SYBU: variants seen among roughly 807,000 people sequenced by gnomAD.
The protein encoded by SYBU is GOLSYN A protein.
A neutral mutation model predicts 35.9 loss-of-function variants in SYBU; 21 were observed. The observed-to-expected ratio is 0.58, with a 90% CI of 0.41 to 0.84. SYBU has a LOEUF of 0.84. SYBU is among the 40% of genes least tolerant of loss of function. The pLI is 0.00. For missense variants in SYBU, 768 were observed against 848.2 expected (o/e 0.91, Z 1.17); for synonymous variants, 319 against 324.3 (o/e 0.98, Z 0.18).
intron 2 of SYBU, among the ~76,000 whole-genome samples, chr8:109,629,166 G>C (rs1435740826): frequency 6.6e-6 from 1 of 152,170 alleles, no homozygotes; most frequent in Non-Finnish European, 1.5e-5. Flanking sequence ...TTTAGGTCAG[G>C]AATCTTGACG....
At chr8:109,640,357 T>G (rs111931573) in intron 2 of SYBU, among the ~76,000 whole-genome samples, 4,166 of 152,222 alleles carry the variant, frequency 0.027, 190 homozygotes, top group African/African-American at 0.094. Context: ...TTTCCTTTTT[T>G]TTGTTGTTGT....
Position 109,578,029 on chromosome 8 carries a change from C to G in SYBU, c.735-12G>C. On this transcript the variant is annotated splice_polypyrimidine_tract_variant and intron_variant, in intron 5 of 6. Coordinates refer to ENST00000276646, the MANE Select transcript of SYBU (RefSeq NM_001099754.2). ...ACCTTCCAGAACGCCTGAAACAATC[C>G]AAGTAATGAAATGTTACTTTTTGCC... is the stretch of plus-strand genomic sequence containing the variant. 6.3e-7 allele frequency: 1 copy of G among 1,598,308 alleles called. No homozygotes were observed. The highest frequency in any genetic ancestry group is 8.5e-7 in the Non-Finnish European group (1 of 1,172,924).
At chr8:109,589,495 C>G (rs1186461944) in intron 3 of SYBU, among the ~76,000 whole-genome samples, 2 of 152,348 alleles carry the variant, frequency 1.3e-5, no homozygotes, top group East Asian at 1.9e-4. Flanking sequence ...AGATAATGCT[C>G]TGATGCCAAA....
intron 3 of SYBU, among the ~76,000 whole-genome samples, chr8:109,610,639 C>T (rs1046657306): frequency 2.0e-5 from 3 of 152,218 alleles, no homozygotes; most frequent in Non-Finnish European, 4.4e-5. Flanking sequence ...ATTAACCCAT[C>T]GAATTGCCCA....
upstream of SYBU, among the ~76,000 whole-genome samples, chr8:109,683,969 C>T (rs1443497265): frequency 6.6e-6 from 1 of 152,152 alleles, no homozygotes; most frequent in Non-Finnish European, 1.5e-5. Context: ...TTTCCTGATG[C>T]CTCCCCAGCC....
intron 6 of SYBU, 29 bp from the exon 7 acceptor site, chr8:109,576,042 T>TTA: frequency 1.2e-6 from 1 of 844,638 alleles, no homozygotes; most frequent in Non-Finnish European, 1.5e-6. Context: ...CATGGTTAAT[T>TTA]AAAAAAAAAA....
chr8:109,591,297 C>T (rs1824217046), intron 3 of SYBU, among the ~76,000 whole-genome samples: 1 of 152,102 alleles, frequency 6.6e-6, no homozygotes, highest in African/African-American at 2.4e-5. Flanking sequence ...ATGCACAGAA[C>T]ATTTTTCTTG....
upstream of SYBU, chr8:109,646,438 A>C (rs1030602836): frequency 1.3e-5 from 2 of 152,198 alleles, no homozygotes; most frequent in African/African-American, 4.8e-5. Context: ...TCCAAAAGAG[A>C]GCTTCCTCCA....
chr8:109,642,064 T>C (rs577826608), intron 2 of SYBU, among the ~76,000 whole-genome samples: 1 of 152,252 alleles, frequency 6.6e-6, no homozygotes, highest in East Asian at 1.9e-4. Flanking sequence ...CAAATGCCCA[T>C]CAATGATAGA....
intron 4 of SYBU, among the ~76,000 whole-genome samples, chr8:109,585,301 G>A (rs1196928652): frequency 1.3e-5 from 2 of 152,316 alleles, no homozygotes; most frequent in East Asian, 3.9e-4. Flanking sequence ...TAACATCAAT[G>A]GAGAGAATTG....
chr8:109,650,612 T>C (rs950176986), intron 1 of SYBU, among the ~76,000 whole-genome samples: 1 of 152,204 alleles, frequency 6.6e-6, no homozygotes, highest in Non-Finnish European at 1.5e-5. Flanking sequence ...CTGTCCTTTA[T>C]ACCTGAAATC....
chr8:109,672,628 C>T (rs1477621182), intron 1 of SYBU, among the ~76,000 whole-genome samples: 4 of 152,214 alleles, frequency 2.6e-5, no homozygotes, highest in Non-Finnish European at 5.9e-5. Context: ...AGCGAGCTAG[C>T]TGAAGGAGTC....
At chr8:109,601,122 A>G (rs1328844726) in intron 3 of SYBU, among the ~76,000 whole-genome samples, 9 of 152,232 alleles carry the variant, frequency 5.9e-5, no homozygotes, top group Admixed American at 4.6e-4. Flanking sequence ...GGATGACAGC[A>G]TCAGATAATA....
At chr8:109,605,206 G>C (rs1825946715) in intron 3 of SYBU, among the ~76,000 whole-genome samples, 1 of 152,136 alleles carries the variant, frequency 6.6e-6, no homozygotes. Flanking sequence ...AATAACAATG[G>C]AATAGAAAGT....
At chr8:109,671,740 C>T (rs767509361) in intron 1 of SYBU, among the ~76,000 whole-genome samples, 19 of 152,096 alleles carry the variant, frequency 1.2e-4, no homozygotes, top group Non-Finnish European at 2.4e-4. Context: ...GAAGGTACAA[C>T]TGATTTAGGC....
At position 109,580,007 on chromosome 8, in the gene SYBU, G is replaced by T; in HGVS notation, c.531-5C>A. ...CTCCGCCCATGAGGACCTCGACTGG[G>T]AGAAAAGAATGAAAAATGTTAAAAT... On this transcript the variant is annotated splice_region_variant and splice_polypyrimidine_tract_variant and intron_variant, in intron 4 of 6. Transcript: ENST00000276646. 1 of 1,611,782 alleles carries T rather than the reference G, an allele frequency of 6.2e-7. No homozygotes were observed. The highest frequency in any genetic ancestry group is 8.5e-7 in the Non-Finnish European group (1 of 1,179,314).
chr8:109,635,842 C>T (rs1006207975), intron 2 of SYBU, among the ~76,000 whole-genome samples: 2 of 152,206 alleles, frequency 1.3e-5, no homozygotes, highest in African/African-American at 4.8e-5. Flanking sequence ...GATCATAACA[C>T]TTCCTTGCTG....
chr8:109,689,855 A>C (rs13255813), intron 1 of SYBU, among the ~76,000 whole-genome samples: 16,099 of 139,430 alleles, frequency 0.12, 980 homozygotes, highest in African/African-American at 0.14. Flanking sequence ...AAAAAAAAAA[A>C]CCATGACTAT....
intron 3 of SYBU, among the ~76,000 whole-genome samples, chr8:109,607,162 C>G (rs926267466): frequency 6.6e-6 from 1 of 152,134 alleles, no homozygotes; most frequent in Non-Finnish European, 1.5e-5. Context: ...TTTAAGATGA[C>G]TCATGTGTTT....
Sources: gnomAD v4.1 joint callset for allele counts (sites outside exome capture counted in the v4.1 genomes callset) on GRCh38, gnomAD v4.1.1 for gene constraint, MANE v1.5 for transcripts, NCBI Gene and HGNC (gene_info 2026-07-23, HGNC 2026-07-21) for gene names.